The following MACROD2 variants were observed in gnomAD, a reference collection of about 807,000 sequenced individuals.
MACROD2 encodes the protein ADP-ribose glycohydrolase MACROD2.
In MACROD2, 36 loss-of-function variants were observed where a neutral mutation model predicts 70.4. The observed-to-expected ratio is 0.51, with a 90% CI of 0.39 to 0.68. The LOEUF is 0.68. Ranked by LOEUF, MACROD2 falls within the 30% of genes least tolerant of loss-of-function variation. MACROD2 has a pLI of 0.00. For synonymous variants in MACROD2, 172 were observed against 178.8 expected, an observed-to-expected ratio of 0.96 and a Z score of 0.30; for missense variants, 496 against 538.4, an observed-to-expected ratio of 0.92 and a Z score of 0.78.
At chr20:15,850,672 A>G (rs2064287336) in intron 8 of MACROD2, among the ~76,000 whole-genome samples, 2 of 152,208 alleles carry the variant, frequency 1.3e-5, no homozygotes, top group Non-Finnish European at 1.5e-5. Context: ...GGCTTTGGCC[A>G]TGTGAGATTT....
chr20:14,412,456 C>A (rs1037570842), intron 3 of MACROD2, among the ~76,000 whole-genome samples: 1 of 152,164 alleles, frequency 6.6e-6, no homozygotes, highest in Admixed American at 6.5e-5. Context: ...TTAAGTCATT[C>A]TCAACCAGTT....
At position 15,301,740 on chromosome 20, in the gene MACROD2, A is replaced by G. The variant is rs114817941; in HGVS notation, c.540+71679A>G. 6.0e-3 allele frequency among the ~76,000 whole-genome samples: 908 copies of G among 151,820 alleles called. 9 individuals carry two copies. The highest frequency in any genetic ancestry group is 0.021 in the African/African-American group (854 of 41,442). On this transcript the variant is annotated intron_variant, in intron 6 of 17. Coordinates refer to ENST00000684519, the MANE Select transcript of MACROD2 (RefSeq NM_001351661.2). ...AGCCAATGCACCTGCCTAAAATTAT[A>G]TCTCTTAAAGAAGTGATTTGTCTTT...
intron 8 of MACROD2, among the ~76,000 whole-genome samples, chr20:15,649,838 G>A (rs2049617400): frequency 1.3e-5 from 2 of 152,166 alleles, no homozygotes; most frequent in African/African-American, 4.8e-5. Flanking sequence ...TATCAAGAAT[G>A]CTTTCCATAA....
chr20:14,224,821 C>T (rs961976131), intron 3 of MACROD2, among the ~76,000 whole-genome samples: 6 of 152,126 alleles, frequency 3.9e-5, no homozygotes, highest in African/African-American at 1.4e-4. Flanking sequence ...TCCATTATGA[C>T]TTTTATTCTC....
intron 4 of MACROD2, among the ~76,000 whole-genome samples, chr20:14,665,844 C>T (rs181003541): frequency 1.5e-4 from 23 of 152,212 alleles, no homozygotes; most frequent in African/African-American, 5.5e-4. Context: ...TTTACATTCT[C>T]CCTGGATTGT....
At chr20:14,986,501 C>T (rs903879251) in intron 5 of MACROD2, among the ~76,000 whole-genome samples, 16 of 151,994 alleles carry the variant, frequency 1.1e-4, no homozygotes, top group African/African-American at 3.4e-4. Flanking sequence ...ACTTAGATAC[C>T]GTCCTAAGTG....
chr20:14,412,074 A>C (rs955094460), intron 3 of MACROD2, among the ~76,000 whole-genome samples: 1 of 152,160 alleles, frequency 6.6e-6, no homozygotes, highest in Non-Finnish European at 1.5e-5. Flanking sequence ...TCTTTCTGTG[A>C]AGAATTCTGT....
At chr20:14,092,893 T>C (rs1379380873) in intron 3 of MACROD2, among the ~76,000 whole-genome samples, 3 of 152,226 alleles carry the variant, frequency 2.0e-5, no homozygotes, top group Non-Finnish European at 4.4e-5. Context: ...GGAGGATATC[T>C]TCTGTGTTAA....
chr20:15,441,455 G>A (rs1274971512), intron 7 of MACROD2, among the ~76,000 whole-genome samples: 1 of 152,052 alleles, frequency 6.6e-6, no homozygotes, highest in African/African-American at 2.4e-5. Flanking sequence ...TAGTTTTTCT[G>A]GAATGCAGAG....
chr20:14,984,445 A>C (rs2074830745), intron 5 of MACROD2, among the ~76,000 whole-genome samples: 3 of 152,214 alleles, frequency 2.0e-5, no homozygotes, highest in South Asian at 4.1e-4. Flanking sequence ...GTGCTTAGTC[A>C]GTTACCTCTG....
intron 8 of MACROD2, among the ~76,000 whole-genome samples, chr20:15,641,372 G>T (rs2049457503): frequency 6.6e-6 from 1 of 152,206 alleles, no homozygotes; most frequent in Non-Finnish European, 1.5e-5. Flanking sequence ...AAGTCTGGTG[G>T]AAATAAATAG....
intron 6 of MACROD2, among the ~76,000 whole-genome samples, chr20:15,427,236 C>T (rs985132362): frequency 2.6e-5 from 4 of 152,192 alleles, no homozygotes; most frequent in African/African-American, 7.2e-5. Flanking sequence ...TTCAAGGCAA[C>T]GATGTCATTT....
intron 5 of MACROD2, among the ~76,000 whole-genome samples, chr20:15,143,319 G>A (rs1366695827): frequency 2.0e-5 from 3 of 152,186 alleles, no homozygotes; most frequent in Admixed American, 1.3e-4. Flanking sequence ...CTTTTGAGAA[G>A]TGTCTGTTCA....
intron 4 of MACROD2, among the ~76,000 whole-genome samples, chr20:14,585,370 G>A (rs1462141864): frequency 6.6e-6 from 1 of 152,134 alleles, no homozygotes; most frequent in African/African-American, 2.4e-5. Flanking sequence ...CATTTCCGAA[G>A]AGTTAAAATT....
chr20:15,353,889 T>C (rs897178662), intron 6 of MACROD2, among the ~76,000 whole-genome samples: 7 of 122,974 alleles, frequency 5.7e-5, no homozygotes, highest in Non-Finnish European at 1.7e-5. Context: ...GGAACACTTT[T>C]ACACTGTTGG....
At chr20:14,981,627 C>T (rs971909911) in intron 5 of MACROD2, among the ~76,000 whole-genome samples, 14 of 151,842 alleles carry the variant, frequency 9.2e-5, no homozygotes, top group Non-Finnish European at 1.6e-4. Flanking sequence ...ATAAGTCTTG[C>T]GAGATCTGGT....
intron 8 of MACROD2, among the ~76,000 whole-genome samples, chr20:15,811,485 A>C (rs2063821164): frequency 6.6e-6 from 1 of 152,238 alleles, no homozygotes; most frequent in African/African-American, 2.4e-5. Flanking sequence ...TATTCCTGAC[A>C]GTGACCTTGT....
intron 4 of MACROD2, among the ~76,000 whole-genome samples, chr20:14,665,421 C>T (rs1490026438): frequency 6.6e-6 from 1 of 151,532 alleles, no homozygotes; most frequent in East Asian, 1.9e-4. Flanking sequence ...AAATGATAAG[C>T]CCTGACCTAA....
intron 3 of MACROD2, among the ~76,000 whole-genome samples, chr20:14,115,885 C>T (rs1269333743): frequency 3.3e-5 from 5 of 152,122 alleles, no homozygotes; most frequent in Admixed American, 6.5e-5. Flanking sequence ...AAGTAAACTT[C>T]GGTTGGAATT....
Sources: allele counts gnomAD v4.1 joint callset (sites outside exome capture counted in the v4.1 genomes callset), GRCh38; gene constraint gnomAD v4.1.1; transcripts MANE v1.5; gene names NCBI Gene and HGNC (gene_info 2026-07-23, HGNC 2026-07-21).